The following TCIRG1 variants were observed in gnomAD, a reference collection of about 807,000 sequenced individuals.
TCIRG1 encodes V-type proton ATPase 116 kDa subunit a 3.
Under a neutral mutation model 95.5 loss-of-function variants are expected in TCIRG1, and 86 were observed. The observed-to-expected ratio is 0.90, with a 90% CI of 0.76 to 1.08. The LOEUF (loss-of-function observed/expected upper bound fraction) is 1.08, where lower values mean the gene tolerates loss of function less well. TCIRG1 is among the 50% of genes least tolerant of loss of function. The probability of loss-of-function intolerance (pLI) is 0.00; values close to 1 mark genes in which losing one functional copy is unlikely to be tolerated. For missense variants in TCIRG1, 1,069 were observed against 1,140.2 expected, an observed-to-expected ratio of 0.94 and a Z score of 0.90; for synonymous variants, 499 against 501.3, an observed-to-expected ratio of 1.00 and a Z score of 0.06.
chr11:68,051,198 A>T (rs1291115788), downstream of TCIRG1, among the ~76,000 whole-genome samples: 1 of 152,124 alleles, frequency 6.6e-6, no homozygotes, highest in Non-Finnish European at 1.5e-5. Flanking sequence ...TGGTGCCAAT[A>T]TCCATGCCCT....
intron 15 of TCIRG1, 184 bp from the exon 16 acceptor site, chr11:68,049,479 G>A (rs540238977): frequency 1.5e-4 from 149 of 1,001,572 alleles, no homozygotes; most frequent in African/African-American, 1.2e-3. Context: ...ACTGGGAACC[G>A]GGGGTCCCTT....
At position 68,042,669 on chromosome 11, in the gene TCIRG1, G is replaced by T. The variant is rs1024753171; in HGVS notation, c.223G>T (p.Ala75Ser). Reference protein sequence around the residue: ...FTFLQEEVRRAGLVLPPPKGR... With the variant: ...FTFLQEEVRRSGLVLPPPKGR... ...CTTCCTGCAGGAGGAGGTGCGGCGG[G>T]CTGGGCTGGTCCTGCCCCCGCCAAA... Residue 75 changes from alanine (A) to serine (S), a missense_variant, in exon 4 of 20, where the codon GCT (alanine) becomes TCT (serine). Ala to Ser is a moderately conservative substitution (Grantham distance 99, BLOSUM62 1). Transcript: ENST00000265686. 6.5e-7 allele frequency: 1 copy of T among 1,547,188 alleles called. No individual in the cohort carries two copies. The highest frequency in any genetic ancestry group is 2.0e-5 in the Admixed American group (1 of 50,942).
chr11:68,041,508 G>T (rs1192050674), intron 2 of TCIRG1, 120 bp downstream of exon 2: 2 of 827,916 alleles, frequency 2.4e-6, no homozygotes, highest in Non-Finnish European at 3.9e-6. Context: ...AACCCCAGCG[G>T]CCCCTGCCAT....
rs1348842114 is a variant in TCIRG1, at chr11:68,047,690, T to G, written c.1349T>G (p.Met450Arg). 2 of 1,612,670 alleles carry G rather than the reference T, an allele frequency of 1.2e-6. No homozygotes were observed. The highest frequency in any genetic ancestry group is 1.7e-6 in the Non-Finnish European group (2 of 1,179,650). Residue 450 changes from methionine to arginine, a missense_variant, in exon 12 of 20, where the codon ATG becomes AGG. Coordinates refer to ENST00000265686, the MANE Select transcript of TCIRG1 (RefSeq NM_006019.4). Reference sequence around the variant, plus strand: ...AGGGGCCGCTACCTGCTCCTGCTTATGGGCCTGTTCTCCATCTACACCGGC... The same window carrying G: ...AGGGGCCGCTACCTGCTCCTGCTTAGGGGCCTGTTCTCCATCTACACCGGC... ...FFRGRYLLLL[M>R]GLFSIYTGFI... is the part of the protein sequence containing the mutation.
intron 13 of TCIRG1, chr11:68,048,316 T>C (rs1007692787): frequency 1.8e-5 from 7 of 382,628 alleles, no homozygotes; most frequent in South Asian, 4.5e-5. Context: ...TTTTTGGATA[T>C]AGAGTCTCAT....
chr11:68,050,064 G>C lies in TCIRG1; in HGVS notation c.2116G>C (p.Glu706Gln). 6.2e-7 allele frequency: 1 copy of C among 1,613,138 alleles called. No homozygotes were observed. The highest frequency in any genetic ancestry group is 8.5e-7 in the Non-Finnish European group (1 of 1,179,834). Residue 706 changes from glutamate (E) to glutamine (Q), a missense_variant and splice_region_variant, in exon 17 of 20, where the codon GAG becomes CAG. Physicochemically the swap from Glu to Gln is conservative, Grantham distance 29. Transcript: ENST00000265686. ...AGGLDDEEEAELVPSEVLMHQ... is the reference protein window; with the variant it reads ...AGGLDDEEEAQLVPSEVLMHQ... ...GGGCCTGGATGATGAAGAGGAGGCC[G>C]AGGTGGGTGCAGTGCCTTCCTGGGG...
rs529759144 is a variant in TCIRG1, at chr11:68,044,610, CT to C, written c.1020+267del. Among the ~76,000 whole-genome samples the C allele has an allele frequency of 2.6e-3, 394 of 152,354 alleles. 4 individuals carry two copies. Among genetic ancestry groups the C allele is most frequent in the Middle Eastern group, 3.4e-3 (1 of 294 alleles). ...AAGCCTCATTCCAATCCAGGCCCCCCTGTGACCTTAGGCCTGCTCATGGTCT... is the reference window on the plus strand; with the variant it reads ...AAGCCTCATTCCAATCCAGGCCCCCCGTGACCTTAGGCCTGCTCATGGTCT... On this transcript the variant is annotated intron_variant, in intron 9 of 19. Coordinates refer to ENST00000265686, the MANE Select transcript of TCIRG1 (RefSeq NM_006019.4).
intron 2 of TCIRG1, 86 bp downstream of exon 2, chr11:68,041,474 G>T: frequency 3.0e-6 from 3 of 998,356 alleles, no homozygotes; most frequent in South Asian, 2.8e-5. Context: ...CCCCCCCTCC[G>T]CCATAGGGCC....
At chr11:68,046,895 G>A (rs1855513144) in intron 10 of TCIRG1, 1 of 456,164 alleles carries the variant, frequency 2.2e-6, no homozygotes, top group Admixed American at 2.3e-5. Flanking sequence ...TGCTGCCCGT[G>A]GAGAACTTAT....
At chr11:68,043,066 A>G (rs1269572130) in intron 5 of TCIRG1, 35 bp downstream of exon 5, 2 of 1,549,076 alleles carry the variant, frequency 1.3e-6, no homozygotes, top group Non-Finnish European at 1.7e-6. Context: ...CTTTCTGGCC[A>G]GCCCAGAACC....
In TCIRG1 at chr11:68,043,458, C is replaced by G; in HGVS notation, c.591C>G (p.Ser197Arg). 6.4e-7 allele frequency: 1 copy of G among 1,553,794 alleles called. No individual in the cohort carries two copies. Among genetic ancestry groups the G allele is most frequent in the East Asian group, 2.4e-5 (1 of 41,294 alleles). Residue 197 changes from serine to arginine, a missense_variant, in exon 6 of 20, where the codon AGC becomes AGG. Ser to Arg is a moderately radical substitution (Grantham distance 110). Transcript: ENST00000265686. ...WRACRGFLIASFRELEQPLEH... is the reference protein window; with the variant it reads ...WRACRGFLIARFRELEQPLEH... ...CCTGCCGCGGCTTCCTCATTGCCAGCTTCAGGGAGCTGGAGCAGCCGCTGG... is the reference window on the plus strand; with the variant it reads ...CCTGCCGCGGCTTCCTCATTGCCAGGTTCAGGGAGCTGGAGCAGCCGCTGG...
At chr11:68,045,789 G>A (rs952994329) in intron 10 of TCIRG1, among the ~76,000 whole-genome samples, 6 of 152,186 alleles carry the variant, frequency 3.9e-5, no homozygotes, top group South Asian at 4.1e-4. Flanking sequence ...CCGACCTCAC[G>A]TGATCCACCC....
At chr11:68,052,405 T>A (rs1050791238), downstream of TCIRG1, 2 of 152,234 alleles carry the variant, frequency 1.3e-5, no homozygotes, top group African/African-American at 4.8e-5. Context: ...AGGCGAGGGC[T>A]GAGTGAGGCC....
chr11:68,053,735 T>C, downstream of TCIRG1: 1 of 413,722 alleles, frequency 2.4e-6, no homozygotes, highest in South Asian at 4.5e-5. Context: ...ATTAAAAGGA[T>C]TCAGAGATGT....
intron 15 of TCIRG1, 31 bp downstream of exon 15, chr11:68,049,325 C>A: frequency 6.3e-7 from 1 of 1,590,870 alleles, no homozygotes; most frequent in South Asian, 1.1e-5. Context: ...GCCGGGCTCA[C>A]ACGGCCTCAT....
intron 10 of TCIRG1, among the ~76,000 whole-genome samples, chr11:68,045,460 G>A (rs948513116): frequency 5.3e-5 from 8 of 152,174 alleles, no homozygotes; most frequent in South Asian, 2.1e-4. Flanking sequence ...AAATAATAGC[G>A]CAAACCTCAG....
At chr11:68,051,833 A>G (rs1438075730), downstream of TCIRG1, among the ~76,000 whole-genome samples, 1 of 152,132 alleles carries the variant, frequency 6.6e-6, no homozygotes, top group African/African-American at 2.4e-5. Flanking sequence ...CTGGGGAGAG[A>G]GCTGGGCAGA....
rs1225851758 is a variant in TCIRG1 at position 68,050,631 on chromosome 11, T to C, written c.2381T>C (p.Leu794Pro). Residue 794 changes from leucine (L) to proline (P), a missense_variant, in exon 19 of 20, where the codon CTC becomes CCC. Leu to Pro is a moderately conservative substitution (Grantham distance 98). Coordinates refer to ENST00000265686, the MANE Select transcript of TCIRG1 (RefSeq NM_006019.4). ...TVAILLVMEG[L>P]SAFLHALRLH... ...GCTATCCTGCTGGTGATGGAGGGAC[T>C]CTCAGCCTTCCTGCACGCCCTGCGG... 6.2e-7 allele frequency: 1 copy of C among 1,613,378 alleles called. No homozygotes were observed. The highest frequency in any genetic ancestry group is 1.7e-5 in the Admixed American group (1 of 60,026).
At chr11:68,042,544 T>G in intron 3 of TCIRG1, 99 bp from the exon 4 acceptor site, 1 of 1,003,760 alleles carries the variant, frequency 1.0e-6, no homozygotes, top group Non-Finnish European at 1.5e-6. Flanking sequence ...ACCTGGTGAA[T>G]CCAGCAGCTG....
Sources: gnomAD v4.1 joint callset for allele counts (sites outside exome capture counted in the v4.1 genomes callset) on GRCh38, gnomAD v4.1.1 for gene constraint, MANE v1.5 for transcripts, NCBI Gene and HGNC (gene_info 2026-07-23, HGNC 2026-07-21) for gene names.